The following VOPP1 variants were observed in gnomAD, a reference collection of about 807,000 sequenced individuals.
VOPP1 encodes VOPP1 WW domain binding protein.
VOPP1 carries 8 observed loss-of-function variants against 23.5 expected under a neutral mutation model. The observed-to-expected ratio is 0.34, with a 90% CI of 0.20 to 0.61. The LOEUF (loss-of-function observed/expected upper bound fraction) is 0.61. Among genes scored for constraint, VOPP1 ranks in the 20% least tolerant of loss-of-function variants. The probability of loss-of-function intolerance (pLI) is 0.78; values close to 1 mark genes in which losing one functional copy is unlikely to be tolerated. For missense variants in VOPP1, 174 were observed against 238.1 expected (o/e 0.73, Z 1.77); for synonymous variants, 83 against 97.3 (o/e 0.85, Z 0.86).
At chr7:55,505,567 G>C (rs1393740053) in intron 2 of VOPP1, among the ~76,000 whole-genome samples, 1 of 150,784 alleles carries the variant, frequency 6.6e-6, no homozygotes, top group African/African-American at 2.4e-5. Context: ...TAAAAAAATG[G>C]GCACGTGCAT....
chr7:55,558,660 G>A (rs187303210), intron 1 of VOPP1, among the ~76,000 whole-genome samples: 19 of 152,214 alleles, frequency 1.2e-4, no homozygotes, highest in Non-Finnish European at 2.8e-4. Context: ...GTGCTGTAAA[G>A]TCTCTTCACT....
intron 2 of VOPP1, among the ~76,000 whole-genome samples, chr7:55,517,337 A>G (rs1795525112): frequency 6.6e-6 from 1 of 152,040 alleles, no homozygotes; most frequent in African/African-American, 2.4e-5. Context: ...TGCATGAGGC[A>G]TAGGTACCTT....
chr7:55,547,468 A>G (rs1797417939), intron 1 of VOPP1, among the ~76,000 whole-genome samples: 1 of 148,916 alleles, frequency 6.7e-6, no homozygotes, highest in Admixed American at 6.8e-5. Flanking sequence ...AAGCCTCTGC[A>G]TACCAATAAA....
At chr7:55,537,612 C>G in intron 1 of VOPP1, 1 of 1,535,096 alleles carries the variant, frequency 6.5e-7, no homozygotes, top group Non-Finnish European at 8.7e-7. Flanking sequence ...ACACGCAGCC[C>G]TCCAATACGG....
chr7:55,497,226 G>C (rs530138258), intron 3 of VOPP1, among the ~76,000 whole-genome samples: 1 of 152,316 alleles, frequency 6.6e-6, no homozygotes, highest in East Asian at 1.9e-4. Flanking sequence ...AGATGGATGG[G>C]GAAGAGTCTG....
intron 3 of VOPP1, among the ~76,000 whole-genome samples, chr7:55,495,301 T>C (rs1012059313): frequency 1.3e-5 from 2 of 152,166 alleles, no homozygotes; most frequent in Admixed American, 6.5e-5. Context: ...ATCCTCAAGA[T>C]CTTGGAGTTG....
intron 4 of VOPP1, among the ~76,000 whole-genome samples, chr7:55,476,381 A>G (rs888130686): frequency 7.4e-6 from 1 of 134,742 alleles, no homozygotes; most frequent in Admixed American, 7.6e-5. Flanking sequence ...CTGTATTCTT[A>G]GCAGGACCTG....
At chr7:55,505,197 CCTCT>C (rs1365948793) in intron 2 of VOPP1, among the ~76,000 whole-genome samples, 1 of 152,160 alleles carries the variant, frequency 6.6e-6, no homozygotes. Context: ...CTTTGCTCCT[CCTCT>C]CTGTGACAAT....
rs1791827859 is a variant in VOPP1 at position 55,471,651 on chromosome 7, T to G, written c.*1204A>C. ...GCTAGCCGTCAACTACTCAGGAGAC[T>G]ACCTGTGAGATCCTGGGGTGAGCTG... On this transcript the variant is annotated 3_prime_UTR_variant, in exon 5 of 5. Transcript: ENST00000285279. The G allele has an allele frequency of 6.6e-6, 1 of 151,818 alleles. No individual in the cohort carries two copies. The highest frequency in any genetic ancestry group is 6.6e-5 in the Admixed American group (1 of 15,252). The allele number at this position is 151,818 out of a possible 1,614,324, so 9.4% of individuals were successfully genotyped here. A position where few individuals can be genotyped will look rare whatever the true frequency, so the allele number is the denominator to read the frequency against.
chr7:55,473,688 G>T (rs1369723788), intron 4 of VOPP1, among the ~76,000 whole-genome samples: 1 of 152,226 alleles, frequency 6.6e-6, no homozygotes, highest in Admixed American at 6.5e-5. Context: ...CCCTCACTCT[G>T]AGGTGCTGTT....
intron 4 of VOPP1, among the ~76,000 whole-genome samples, chr7:55,489,997 G>GGCAGAAGGAGGGCGTGTGCAA (rs1793446561): frequency 2.6e-5 from 4 of 152,004 alleles, no homozygotes; most frequent in Non-Finnish European, 5.9e-5. Flanking sequence ...GGCGTGTGCA[G>GGCAGAAGGAGGGCGTGTGCAA]GCCTCAGTGC....
chr7:55,567,762 GAC>G (rs1798210537), intron 1 of VOPP1, among the ~76,000 whole-genome samples: 1 of 152,170 alleles, frequency 6.6e-6, no homozygotes, highest in Non-Finnish European at 1.5e-5. Context: ...AGTTTCCAGA[GAC>G]AGCAAACTCC....
intron 4 of VOPP1, among the ~76,000 whole-genome samples, chr7:55,463,228 CTTGT>C (rs1184327165): frequency 6.6e-6 from 1 of 152,170 alleles, no homozygotes; most frequent in Non-Finnish European, 1.5e-5. Flanking sequence ...TCGCACTGAA[CTTGT>C]TTAATAACAT....
At chr7:55,497,472 C>T in intron 3 of VOPP1, 141 bp downstream of exon 3, 1 of 713,344 alleles carries the variant, frequency 1.4e-6, no homozygotes, top group Non-Finnish European at 2.4e-6. Flanking sequence ...CCAACCCAAA[C>T]ATACCCATTT....
intron 4 of VOPP1, among the ~76,000 whole-genome samples, chr7:55,441,399 A>C (rs1316168810): frequency 6.6e-6 from 1 of 152,098 alleles, no homozygotes; most frequent in Non-Finnish European, 1.5e-5. Context: ...CCACACCCAG[A>C]GACAAGCGCA....
intron 2 of VOPP1, among the ~76,000 whole-genome samples, chr7:55,500,717 G>C (rs1042221065): frequency 6.6e-6 from 1 of 152,202 alleles, no homozygotes; most frequent in Non-Finnish European, 1.5e-5. Context: ...CAAACGTCTT[G>C]TTAATTTTCA....
At chr7:55,466,530 T>C (rs538526718), downstream of VOPP1, among the ~76,000 whole-genome samples, 47 of 152,202 alleles carry the variant, frequency 3.1e-4, no homozygotes, top group African/African-American at 1.1e-3. Flanking sequence ...AGAAGCTGAG[T>C]TTCTTTCCTC....
intron 1 of VOPP1, among the ~76,000 whole-genome samples, chr7:55,532,778 C>T (rs539303491): frequency 4.3e-4 from 65 of 152,150 alleles, no homozygotes; most frequent in Non-Finnish European, 6.9e-4. Flanking sequence ...GGAAGCACTG[C>T]CACGTGTACT....
chr7:55,564,264 T>TCTCTCTCTCTCTCTCTCTCG lies in VOPP1; in HGVS notation c.54+8006_54+8007insCGAGAGAGAGAGAGAGAGAG, dbSNP rs1369462395. ...CTCTGTCTCTCTCTCTCTCTCTCTC[T>TCTCTCTCTCTCTCTCTCTCG]CTCGCTCGCTTGCTCTCTCTCACTC... On this transcript the variant is annotated intron_variant, in intron 1 of 4. Transcript: ENST00000285279. 1.7e-4 allele frequency among the ~76,000 whole-genome samples: 25 copies of TCTCTCTCTCTCTCTCTCTCG among 151,044 alleles called. No homozygotes were observed. The East Asian group carries it at 1.9e-3, about 12-fold the overall frequency.
Sources: allele counts gnomAD v4.1 joint callset (sites outside exome capture counted in the v4.1 genomes callset), GRCh38; gene constraint gnomAD v4.1.1; transcripts MANE v1.5; gene names NCBI Gene and HGNC (gene_info 2026-07-23, HGNC 2026-07-21).